Variants in ZC3H11A observed in about 807,000 individuals in gnomAD.
ZC3H11A encodes the protein zinc finger CCCH-type containing 11A, also known as zinc finger CCCH domain-containing protein 11A.
ZC3H11A carries 22 observed loss-of-function variants against 90.8 expected under a neutral mutation model. That is an observed-to-expected ratio of 0.24 (90% CI 0.17 to 0.35). ZC3H11A has a LOEUF of 0.35. ZC3H11A is among the 10% of genes least tolerant of loss of function. The pLI is 1.00. For missense variants in ZC3H11A, 701 were observed against 964.9 expected (o/e 0.73, Z 3.62); for synonymous variants, 294 against 339.8 (o/e 0.87, Z 1.48).
intron 4 of ZC3H11A, among the ~76,000 whole-genome samples, chr1:203,821,390 C>T (rs1037075479): frequency 1.3e-5 from 2 of 151,970 alleles, no homozygotes; most frequent in Non-Finnish European, 2.9e-5. Context: ...ATGTGGTTTT[C>T]TATTTTAATC....
chr1:203,833,379 A>AAAC (rs71145035), intron 9 of ZC3H11A, among the ~76,000 whole-genome samples: 12,437 of 145,678 alleles, frequency 0.085, 891 homozygotes, highest in Non-Finnish European at 0.14. Context: ...AAAAAAAAAA[A>AAAC]AAAAACACCA....
intron 3 of ZC3H11A, among the ~76,000 whole-genome samples, chr1:203,818,187 A>G (rs916922537): frequency 6.6e-6 from 1 of 152,132 alleles, no homozygotes; most frequent in African/African-American, 2.4e-5. Context: ...TATTGTATAT[A>G]TGTTAATTAT....
In ZC3H11A at chr1:203,821,767, T is replaced by G. The variant is rs187446409; in HGVS notation, c.174+3078T>G. ...TCATTATGGTTTTTGGTTTTGTTTT[T>G]TTTTTTTTGAGACGGAGTCTTGCTC... On this transcript the variant is annotated intron_variant, in intron 4 of 17. Transcript: ENST00000367210. Among the ~76,000 whole-genome samples, 8 of 152,104 alleles carry G rather than the reference T, an allele frequency of 5.3e-5. 1 individual carries two copies. The East Asian group carries it at 1.2e-3, about 22-fold the overall frequency.
intron 12 of ZC3H11A, among the ~76,000 whole-genome samples, chr1:203,845,295 C>T (rs1687584224): frequency 6.6e-6 from 1 of 151,992 alleles, no homozygotes; most frequent in Non-Finnish European, 1.5e-5. Context: ...GAAACAGGGC[C>T]TCTATGTCAC....
At chr1:203,807,085 T>C (rs1490173643) in intron 2 of ZC3H11A, among the ~76,000 whole-genome samples, 1 of 152,060 alleles carries the variant, frequency 6.6e-6, no homozygotes, top group Non-Finnish European at 1.5e-5. Flanking sequence ...GGTCTCATTG[T>C]GTTGCCCAGG....
chr1:203,826,548 G>A (rs1267398008), intron 4 of ZC3H11A, among the ~76,000 whole-genome samples: 1 of 151,984 alleles, frequency 6.6e-6, no homozygotes, highest in East Asian at 1.9e-4. Flanking sequence ...ATTCTTCCAC[G>A]TCCCTGAAAA....
chr1:203,797,657 A>G, intron 1 of ZC3H11A: 1 of 1,536,110 alleles, frequency 6.5e-7, no homozygotes, highest in East Asian at 2.4e-5. Context: ...TGGTAGAGGA[A>G]AAGATGGTAG....
chr1:203,853,810 A>G lies in ZC3H11A; in HGVS notation c.*1411A>G, dbSNP rs1454635035. The G allele has an allele frequency of 6.6e-6, 1 of 152,670 alleles. No individual in the cohort carries two copies. The highest frequency in any genetic ancestry group is 2.4e-5 in the African/African-American group (1 of 41,452). 9.5% of individuals were successfully genotyped at this position (152,670 alleles called of 1,614,324 possible). ...GCACAAGCAAAAATGACTGAAGTTT[A>G]TGTATAGACACACCTCTACCAATCC... is the stretch of plus-strand genomic sequence containing the variant. On this transcript the variant is annotated 3_prime_UTR_variant, in exon 18 of 18. Coordinates refer to ENST00000367210, the MANE Select transcript of ZC3H11A (RefSeq NM_001376342.1).
At chr1:203,839,245 G>T (rs573807698) in intron 11 of ZC3H11A, among the ~76,000 whole-genome samples, 1 of 152,344 alleles carries the variant, frequency 6.6e-6, no homozygotes, top group South Asian at 2.1e-4. Flanking sequence ...AGGTTTCACA[G>T]TGTTGCCTAG....
At chr1:203,847,086 C>T in intron 12 of ZC3H11A, 98 bp from the exon 13 acceptor site, 2 of 1,269,612 alleles carry the variant, frequency 1.6e-6, no homozygotes, top group Non-Finnish European at 2.2e-6. Flanking sequence ...TAAATGATAG[C>T]TCTCTGTTGG....
chr1:203,850,255 G>C, intron 15 of ZC3H11A: 1 of 648,286 alleles, frequency 1.5e-6, no homozygotes, highest in East Asian at 2.8e-5. Context: ...TTTCTATGGT[G>C]CATCTTTCCT....
chr1:203,808,755 C>T (rs1673219845), intron 2 of ZC3H11A, among the ~76,000 whole-genome samples: 1 of 152,140 alleles, frequency 6.6e-6, no homozygotes. Flanking sequence ...AAGGTAGGGG[C>T]TGGAAATTAG....
At chr1:203,824,087 G>A (rs1390825707) in intron 4 of ZC3H11A, among the ~76,000 whole-genome samples, 2 of 152,052 alleles carry the variant, frequency 1.3e-5, no homozygotes, top group East Asian at 3.9e-4. Flanking sequence ...GGCCAACACA[G>A]TGAAACCCCG....
intron 2 of ZC3H11A, among the ~76,000 whole-genome samples, chr1:203,810,976 CAAA>C (rs879833403): frequency 9.0e-6 from 1 of 111,578 alleles, no homozygotes. Context: ...ACTAAAAATA[CAAA>C]AAAAAAAAAA....
chr1:203,849,647 A>G (rs112222381), intron 14 of ZC3H11A, 64 bp from the exon 15 acceptor site: 1 of 1,467,178 alleles, frequency 6.8e-7, no homozygotes, highest in Non-Finnish European at 9.4e-7. Context: ...TTAGCCTGGT[A>G]CTTACATCAT....
chr1:203,840,323 C>T lies in ZC3H11A; in HGVS notation c.991C>T (p.Leu331Phe). The T allele has an allele frequency of 6.2e-7, 1 of 1,612,860 alleles. No homozygotes were observed. The highest frequency in any genetic ancestry group is 8.5e-7 in the Non-Finnish European group (1 of 1,179,272). The change falls in exon 12 of 18, where the codon CTT becomes TTT. Residue 331 changes from leucine (L) to phenylalanine (F), a missense_variant. Physicochemically the swap from Leu to Phe is conservative, Grantham distance 22. This residue lies in a region of ZC3H11A where 530 missense variants were observed against 696.2 expected (regional missense o/e 0.76). Coordinates refer to ENST00000367210, the MANE Select transcript of ZC3H11A (RefSeq NM_001376342.1). ...TTTCACAGCTCAAGTTTCCAAGTCT[C>T]TTAAGGAGCGATTAGGCATGTCAGC... ...TPKKAQVSKS[L>F]KERLGMSADP...
intron 2 of ZC3H11A, among the ~76,000 whole-genome samples, chr1:203,814,087 A>T (rs1175082472): frequency 6.6e-6 from 1 of 151,352 alleles, no homozygotes; most frequent in African/African-American, 2.4e-5. Flanking sequence ...CTTGCATTTC[A>T]CTGTAAGCAG....
chr1:203,797,572 G>A, intron 1 of ZC3H11A: 1 of 1,532,092 alleles, frequency 6.5e-7, no homozygotes, highest in Non-Finnish European at 8.7e-7. Context: ...TCTCCTGGCA[G>A]AAGATGCAAC....
intron 1 of ZC3H11A, chr1:203,798,236 T>A: frequency 6.5e-7 from 1 of 1,536,156 alleles, no homozygotes; most frequent in Non-Finnish European, 8.7e-7. Flanking sequence ...CAGCATCTGA[T>A]GCCCTAAGGG....
Sources: allele counts gnomAD v4.1 joint callset (sites outside exome capture counted in the v4.1 genomes callset), GRCh38; gene constraint gnomAD v4.1.1; regional missense constraint gnomAD v4.1.1; transcripts MANE v1.5; gene names NCBI Gene and HGNC (gene_info 2026-07-23, HGNC 2026-07-21).